MOB3B: variants seen among roughly 807,000 people sequenced by gnomAD.
MOB3B encodes MOB kinase activator 3B.
Under a neutral mutation model 18.7 loss-of-function variants are expected in MOB3B, and 7 were observed. The observed-to-expected ratio is 0.37, with a 90% confidence interval of 0.21 to 0.70. MOB3B has a LOEUF of 0.70. Ranked by LOEUF, MOB3B falls within the 30% of genes least tolerant of loss-of-function variation. The pLI is 0.52. For missense variants in MOB3B, 253 were observed against 281.3 expected (o/e 0.90, Z 0.72); for synonymous variants, 111 against 99.9 (o/e 1.11, Z -0.66).
intron 2 of MOB3B, among the ~76,000 whole-genome samples, chr9:27,444,033 G>A (rs913329115): frequency 2.0e-5 from 3 of 151,890 alleles, no homozygotes; most frequent in African/African-American, 7.3e-5. Context: ...TATTTCAAGA[G>A]CACAAGGCCA....
intron 2 of MOB3B, among the ~76,000 whole-genome samples, chr9:27,416,650 C>T (rs1034769090): frequency 2.0e-5 from 3 of 149,652 alleles, no homozygotes; most frequent in Non-Finnish European, 4.4e-5. Context: ...CCTGCCTCAC[C>T]CTCCCAAGTA....
chr9:27,463,199 A>G (rs1819320755), intron 1 of MOB3B, among the ~76,000 whole-genome samples: 1 of 152,192 alleles, frequency 6.6e-6, no homozygotes. Context: ...GGATGCCTAA[A>G]ATTCTAATTA....
At chr9:27,339,403 AATGAAT>A (rs1190042919) in intron 3 of MOB3B, among the ~76,000 whole-genome samples, 1 of 152,248 alleles carries the variant, frequency 6.6e-6, no homozygotes, top group Non-Finnish European at 1.5e-5. Context: ...GAAGTGAACG[AATGAAT>A]GAATGAAGCC....
intron 1 of MOB3B, among the ~76,000 whole-genome samples, chr9:27,466,818 G>GC (rs1443730867): frequency 6.6e-6 from 1 of 152,088 alleles, no homozygotes; most frequent in Non-Finnish European, 1.5e-5. Flanking sequence ...ATCTCCCCTT[G>GC]GGTCCGTCCT....
At chr9:27,360,835 C>A (rs1001913095) in intron 2 of MOB3B, among the ~76,000 whole-genome samples, 1 of 152,110 alleles carries the variant, frequency 6.6e-6, no homozygotes, top group Admixed American at 6.5e-5. Context: ...TCAAATGAAC[C>A]CAGGGAGAAG....
intron 2 of MOB3B, among the ~76,000 whole-genome samples, chr9:27,448,746 G>A (rs1563871362): frequency 6.6e-6 from 1 of 152,080 alleles, no homozygotes; most frequent in African/African-American, 2.4e-5. Flanking sequence ...CTTCCCAACT[G>A]GTAAATTCTT....
At chr9:27,513,994 G>A (rs1820190088) in intron 1 of MOB3B, among the ~76,000 whole-genome samples, 1 of 152,062 alleles carries the variant, frequency 6.6e-6, no homozygotes, top group Non-Finnish European at 1.5e-5. Context: ...CCCAACAACT[G>A]GAACCATCCA....
intron 3 of MOB3B, among the ~76,000 whole-genome samples, chr9:27,348,904 T>C (rs1821068474): frequency 6.6e-6 from 1 of 152,220 alleles, no homozygotes; most frequent in Non-Finnish European, 1.5e-5. Context: ...AGCGGACAAT[T>C]AGGCCTAGAC....
At chr9:27,463,998 A>G (rs1246100236) in intron 1 of MOB3B, among the ~76,000 whole-genome samples, 1 of 152,170 alleles carries the variant, frequency 6.6e-6, no homozygotes, top group Non-Finnish European at 1.5e-5. Flanking sequence ...ATAACGGTTA[A>G]TGGTGCTTAC....
At chr9:27,483,125 C>CTTTTTTTTTTTT (rs71492747) in intron 1 of MOB3B, among the ~76,000 whole-genome samples, 2 of 68,544 alleles carry the variant, frequency 2.9e-5, no homozygotes, top group Non-Finnish European at 5.1e-5. Flanking sequence ...ATATACGGTA[C>CTTTTTTTTTTTT]TTTTTTTTTT....
intron 2 of MOB3B, among the ~76,000 whole-genome samples, chr9:27,414,643 G>T (rs1035223946): frequency 6.6e-6 from 1 of 152,198 alleles, no homozygotes; most frequent in African/African-American, 2.4e-5. Context: ...CCAGTTACAC[G>T]TGGTGCAGTT....
intron 2 of MOB3B, among the ~76,000 whole-genome samples, chr9:27,424,015 A>G (rs1822293647): frequency 6.6e-6 from 1 of 152,244 alleles, no homozygotes; most frequent in Non-Finnish European, 1.5e-5. Context: ...ACATGAACCT[A>G]GACAGGCTGG....
chr9:27,500,847 C>G (rs1286682219), intron 1 of MOB3B, among the ~76,000 whole-genome samples: 2 of 152,086 alleles, frequency 1.3e-5, no homozygotes, highest in East Asian at 3.8e-4. Context: ...GCAATCTACC[C>G]ATCTGACAAA....
chr9:27,354,530 A>G (rs1821156448), intron 3 of MOB3B, among the ~76,000 whole-genome samples: 1 of 152,220 alleles, frequency 6.6e-6, no homozygotes. Flanking sequence ...CTAATCTGAC[A>G]GGATGAAGCA....
At chr9:27,528,785 G>GC (rs1820481547) in intron 1 of MOB3B, among the ~76,000 whole-genome samples, 1 of 152,180 alleles carries the variant, frequency 6.6e-6, no homozygotes, top group African/African-American at 2.4e-5. Context: ...CGCGAGGGGG[G>GC]GGATCCCGAG....
intron 2 of MOB3B, among the ~76,000 whole-genome samples, chr9:27,440,981 T>A (rs1365952639): frequency 6.6e-6 from 1 of 151,886 alleles, no homozygotes; most frequent in Non-Finnish European, 1.5e-5. Flanking sequence ...TTAGTTAGAG[T>A]CTCATAAGGA....
At chr9:27,510,995 T>C (rs1231285644) in intron 1 of MOB3B, among the ~76,000 whole-genome samples, 1 of 152,104 alleles carries the variant, frequency 6.6e-6, no homozygotes, top group Non-Finnish European at 1.5e-5. Context: ...CCAGGTCCCA[T>C]AAGTCAGGTC....
chr9:27,350,872 C>T (rs138196434), intron 3 of MOB3B, among the ~76,000 whole-genome samples: 2 of 152,056 alleles, frequency 1.3e-5, no homozygotes, highest in African/African-American at 4.8e-5. Context: ...CATGTACACC[C>T]CCTCTGCCCC....
At chr9:27,420,202 T>C (rs1161574205) in intron 2 of MOB3B, among the ~76,000 whole-genome samples, 1 of 152,144 alleles carries the variant, frequency 6.6e-6, no homozygotes, top group Middle Eastern at 3.2e-3. Flanking sequence ...TCTACACTGC[T>C]GGTGGGAATG....
Sources: allele counts gnomAD v4.1 joint callset (sites outside exome capture counted in the v4.1 genomes callset), GRCh38; gene constraint gnomAD v4.1.1; transcripts MANE v1.5; gene names NCBI Gene and HGNC (gene_info 2026-07-23, HGNC 2026-07-21).